The following TM9SF3 variants were observed in gnomAD, a reference collection of about 807,000 sequenced individuals.
TM9SF3 encodes transmembrane 9 superfamily member 3.
A neutral mutation model predicts 78.6 loss-of-function variants in TM9SF3; 14 were observed. The observed-to-expected ratio is 0.18, with a 90% CI of 0.12 to 0.28. The LOEUF (loss-of-function observed/expected upper bound fraction) is 0.28, where lower values mean the gene tolerates loss of function less well. Ranked by LOEUF, TM9SF3 falls within the 10% of genes least tolerant of loss-of-function variation. TM9SF3 has a pLI of 1.00. For missense variants in TM9SF3, 496 were observed against 721.9 expected, an observed-to-expected ratio of 0.69 and a Z score of 3.59; for synonymous variants, 231 against 241.7, an observed-to-expected ratio of 0.96 and a Z score of 0.41.
chr10:96,526,702 T>C (rs996520297), intron 14 of TM9SF3, among the ~76,000 whole-genome samples: 15 of 152,136 alleles, frequency 9.9e-5, no homozygotes, highest in African/African-American at 3.6e-4. Flanking sequence ...AGTCTGTAGA[T>C]ACCCAAGTAT....
intron 7 of TM9SF3, among the ~76,000 whole-genome samples, chr10:96,548,699 G>A (rs927078233): frequency 2.0e-4 from 30 of 150,180 alleles, no homozygotes; most frequent in Admixed American, 1.9e-3. Flanking sequence ...TCGAGAGGCT[G>A]AGGCAGGAGA....
At chr10:96,562,491 C>T (rs886803258) in intron 3 of TM9SF3, among the ~76,000 whole-genome samples, 1 of 152,108 alleles carries the variant, frequency 6.6e-6, no homozygotes, top group Non-Finnish European at 1.5e-5. Context: ...CTTACATCAC[C>T]ATCTGCCAAG....
At chr10:96,585,917 T>C (rs114286345) in intron 1 of TM9SF3, among the ~76,000 whole-genome samples, 2,076 of 152,322 alleles carry the variant, frequency 0.014, 34 homozygotes, top group African/African-American at 0.044. Context: ...GTCGTTCACA[T>C]GCACGTTTTG....
chr10:96,564,440 G>A lies in TM9SF3; in HGVS notation c.421+864C>T, dbSNP rs1589459072. 2.0e-5 allele frequency among the ~76,000 whole-genome samples: 3 copies of A among 152,192 alleles called. No individual in the cohort carries two copies. In the South Asian group the frequency reaches 6.2e-4, roughly 32 times the overall value. ...TGTCTGTGTTACCATAATGGTAACT[G>A]CAGTCATTTATATGATATACTAACT... On this transcript the variant is annotated intron_variant, in intron 3 of 14. Transcript: ENST00000371142.
intron 1 of TM9SF3, among the ~76,000 whole-genome samples, chr10:96,579,518 C>T (rs1258579351): frequency 6.6e-6 from 1 of 152,124 alleles, no homozygotes; most frequent in East Asian, 1.9e-4. Context: ...GGGTCCCAGT[C>T]GATGTTAAAC....
chr10:96,556,650 A>C (rs1035506773), intron 5 of TM9SF3, among the ~76,000 whole-genome samples: 1 of 152,030 alleles, frequency 6.6e-6, no homozygotes, highest in Non-Finnish European at 1.5e-5. Context: ...TGTTTTTCTT[A>C]CATTTAAAAA....
At chr10:96,555,026 C>CT (rs375133107) in intron 5 of TM9SF3, among the ~76,000 whole-genome samples, 65 of 142,928 alleles carry the variant, frequency 4.5e-4, no homozygotes, top group East Asian at 2.8e-3. Flanking sequence ...CCTGGTTGGC[C>CT]TTTTTTTTTT....
At chr10:96,558,547 G>A (rs547819968) in intron 5 of TM9SF3, among the ~76,000 whole-genome samples, 1 of 151,952 alleles carries the variant, frequency 6.6e-6, no homozygotes, top group East Asian at 1.9e-4. Context: ...TCGGGAGGCT[G>A]AGGCAGGAGA....
chr10:96,537,526 C>T (rs561306637), intron 9 of TM9SF3, among the ~76,000 whole-genome samples: 24 of 152,132 alleles, frequency 1.6e-4, no homozygotes, highest in Non-Finnish European at 3.1e-4. Context: ...CAGCAATAAA[C>T]GATCAGAATT....
At chr10:96,536,588 A>G (rs1002021437) in intron 9 of TM9SF3, among the ~76,000 whole-genome samples, 12 of 152,132 alleles carry the variant, frequency 7.9e-5, no homozygotes, top group African/African-American at 2.9e-4. Context: ...ACATATAGTC[A>G]ACACTCAAAA....
At chr10:96,555,375 C>T (rs1848223164) in intron 5 of TM9SF3, among the ~76,000 whole-genome samples, 1 of 152,180 alleles carries the variant, frequency 6.6e-6, no homozygotes, top group African/African-American at 2.4e-5. Context: ...GCAAATTCTA[C>T]CCAGTCTTCA....
intron 5 of TM9SF3, among the ~76,000 whole-genome samples, chr10:96,558,074 T>C (rs561540411): frequency 2.0e-5 from 3 of 152,190 alleles, no homozygotes; most frequent in African/African-American, 4.8e-5. Flanking sequence ...TACCATTCCA[T>C]AGTGAAAATA....
rs1175858164 is a variant in TM9SF3 at position 96,521,076 on chromosome 10, C to T, written c.*1187G>A. On this transcript the variant is annotated 3_prime_UTR_variant, in exon 15 of 15. Transcript: ENST00000371142. ...AGACAGGATTAACAAAATTAAGTGT[C>T]TCTAAATTACAAATTTGGCTCCTGT... is the stretch of plus-strand genomic sequence containing the variant. 6 of 388,996 alleles carry T rather than the reference C, an allele frequency of 1.5e-5. No individual in the cohort carries two copies. The highest frequency in any genetic ancestry group is 3.6e-5 in the East Asian group (1 of 27,736). 24.1% of individuals were successfully genotyped at this position (388,996 alleles called of 1,614,324 possible). A position where few individuals can be genotyped will look rare whatever the true frequency, so the allele number is the denominator to read the frequency against.
intron 9 of TM9SF3, among the ~76,000 whole-genome samples, chr10:96,540,491 C>T (rs957991677): frequency 6.6e-6 from 1 of 152,162 alleles, no homozygotes; most frequent in African/African-American, 2.4e-5. Flanking sequence ...CCTGTACAAT[C>T]AACTGCCTTG....
chr10:96,549,977 T>G (rs993646396), intron 7 of TM9SF3, among the ~76,000 whole-genome samples: 2 of 152,172 alleles, frequency 1.3e-5, no homozygotes, highest in African/African-American at 4.8e-5. Flanking sequence ...TAATCCAGTG[T>G]TTAATGTAAA....
At chr10:96,579,769 A>C (rs1848539494) in intron 1 of TM9SF3, among the ~76,000 whole-genome samples, 1 of 152,224 alleles carries the variant, frequency 6.6e-6, no homozygotes, top group African/African-American at 2.4e-5. Flanking sequence ...GTGGTTTAAT[A>C]CAATTAACTT....
At chr10:96,547,873 G>C in intron 8 of TM9SF3, 22 bp downstream of exon 8, 1 of 1,551,212 alleles carries the variant, frequency 6.4e-7, no homozygotes, top group Non-Finnish European at 8.8e-7. Flanking sequence ...TTAACAACAT[G>C]AAGTGAGAAT....
In TM9SF3 at chr10:96,520,641, T is replaced by C; in HGVS notation, c.*1622A>G. ...GTGGTTCTAGGAAAACTTCATATTA[T>C]GAATAGTTCCAGAAAAATGTATTCA... On this transcript the variant is annotated 3_prime_UTR_variant, in exon 15 of 15. Coordinates refer to ENST00000371142, the MANE Select transcript of TM9SF3 (RefSeq NM_020123.4). The C allele has an allele frequency of 5.4e-6, 2 of 369,318 alleles. No homozygotes were observed. Among genetic ancestry groups the C allele is most frequent in the Non-Finnish European group, 9.7e-6 (2 of 206,826 alleles). The allele number at this position is 369,318 out of a possible 1,614,324, so 22.9% of individuals were successfully genotyped here.
At chr10:96,570,850 A>T (rs1458680466) in intron 2 of TM9SF3, among the ~76,000 whole-genome samples, 1 of 152,120 alleles carries the variant, frequency 6.6e-6, no homozygotes, top group East Asian at 1.9e-4. Flanking sequence ...GATTCAAGCA[A>T]TTCTCCTGCC....
Sources: allele counts gnomAD v4.1 joint callset (sites outside exome capture counted in the v4.1 genomes callset), GRCh38; gene constraint gnomAD v4.1.1; transcripts MANE v1.5; gene names NCBI Gene and HGNC (gene_info 2026-07-23, HGNC 2026-07-21).